The following PCDHGA2 variants were observed in gnomAD, a reference collection of about 807,000 sequenced individuals.
PCDHGA2 encodes protocadherin gamma-A2.
Under a neutral mutation model 59.2 loss-of-function variants are expected in PCDHGA2, and 40 were observed. The ratio of observed to expected loss-of-function variants is 0.68; its 90% CI spans 0.52 to 0.88. The LOEUF is 0.88. PCDHGA2 is among the 40% of genes least tolerant of loss of function. The pLI, the probability that PCDHGA2 is intolerant of heterozygous loss-of-function variation, is 0.00. For synonymous variants in PCDHGA2, 560 were observed against 526.0 expected (o/e 1.06, Z -0.89); for missense variants, 1,226 against 1,204.0 (o/e 1.02, Z -0.27).
intron 1 of PCDHGA2, chr5:141,361,206 G>A (rs781055264): frequency 6.2e-7 from 1 of 1,613,902 alleles, no homozygotes; most frequent in Non-Finnish European, 8.5e-7. Context: ...CTCCCCTACC[G>A]GAGGATTCGC....
At chr5:141,470,201 G>C (rs2154570565) in intron 1 of PCDHGA2, among the ~76,000 whole-genome samples, 1 of 152,274 alleles carries the variant, frequency 6.6e-6, no homozygotes, top group Non-Finnish European at 1.5e-5. Flanking sequence ...AGATAAATAT[G>C]AAGGCTAAAC....
rs2099425622 is a variant in PCDHGA2, at chr5:141,477,947, T to C, written c.2425-16860T>C. Reference sequence around the variant, plus strand: ...CAATGCCTGGCTCTCCTACAGTCTCTTGGGATCCCCTAACCAGAGCCTTTT... The same window carrying C: ...CAATGCCTGGCTCTCCTACAGTCTCCTGGGATCCCCTAACCAGAGCCTTTT... On this transcript the variant is annotated intron_variant, in intron 1 of 3. Coordinates refer to ENST00000394576, the MANE Select transcript of PCDHGA2 (RefSeq NM_018915.4). The surrounding 1 kb of genome is among the most constrained non-coding windows in gnomAD (Gnocchi z 4.9). 1.9e-6 allele frequency: 3 copies of C among 1,614,132 alleles called. No homozygotes were observed. Among genetic ancestry groups the C allele is most frequent in the Non-Finnish European group, 2.5e-6 (3 of 1,180,018 alleles).
At chr5:141,395,889 G>A (rs1375818306) in intron 1 of PCDHGA2, 3 of 151,948 alleles carry the variant, frequency 2.0e-5, no homozygotes, top group African/African-American at 4.8e-5. Flanking sequence ...GTGGTCACCT[G>A]GGCTCCATGC....
chr5:141,427,887 C>A (rs759734297), intron 1 of PCDHGA2: 2 of 1,565,908 alleles, frequency 1.3e-6, no homozygotes, highest in Admixed American at 1.7e-5. Flanking sequence ...GGCCCACGAC[C>A]AGGGCTCGCC....
At chr5:141,366,940 C>G in intron 1 of PCDHGA2, 1 of 819,904 alleles carries the variant, frequency 1.2e-6, no homozygotes, top group East Asian at 2.8e-5. Context: ...GGAAGTCTAG[C>G]TGATATCTGT....
At chr5:141,362,879 A>T (rs1762711242) in intron 1 of PCDHGA2, among the ~76,000 whole-genome samples, 1 of 152,216 alleles carries the variant, frequency 6.6e-6, no homozygotes, top group African/African-American at 2.4e-5. Context: ...TGTTATTCAA[A>T]TTTTAGTTTT....
At chr5:141,415,122 C>G (rs552568826) in intron 1 of PCDHGA2, 1 of 1,613,668 alleles carries the variant, frequency 6.2e-7, no homozygotes, top group Non-Finnish European at 8.5e-7. Context: ...TCGTAGTGGC[C>G]GTCCAGGACC....
chr5:141,507,263 T>C (rs755395344), intron 3 of PCDHGA2: 1 of 152,038 alleles, frequency 6.6e-6, no homozygotes, highest in Non-Finnish European at 1.5e-5. Flanking sequence ...AAACAGCAAG[T>C]ACTATTTCAG....
intron 1 of PCDHGA2, chr5:141,389,451 C>T: frequency 6.2e-7 from 1 of 1,610,536 alleles, no homozygotes; most frequent in South Asian, 1.1e-5. Context: ...CCACGAGCAG[C>T]TGCGCGCCTT....
At chr5:141,484,501 A>G (rs1185523120) in intron 1 of PCDHGA2, among the ~76,000 whole-genome samples, 2 of 152,232 alleles carry the variant, frequency 1.3e-5, no homozygotes, top group African/African-American at 4.8e-5. Flanking sequence ...GTTTCTGAAT[A>G]TTCTGCAGAA....
chr5:141,382,856 G>A, intron 1 of PCDHGA2: 1 of 1,504,886 alleles, frequency 6.6e-7, no homozygotes, highest in Non-Finnish European at 8.9e-7. Context: ...GCATTCTGAA[G>A]CACTTCCCGA....
intron 1 of PCDHGA2, chr5:141,422,953 G>A: frequency 6.2e-7 from 1 of 1,614,232 alleles, no homozygotes; most frequent in Non-Finnish European, 8.5e-7. Context: ...CTCCACTGGC[G>A]TGGAGCTGGC....
At chr5:141,438,957 C>T (rs1292059651) in intron 1 of PCDHGA2, among the ~76,000 whole-genome samples, 1 of 152,026 alleles carries the variant, frequency 6.6e-6, no homozygotes, top group Non-Finnish European at 1.5e-5. Context: ...TGAGCCACCG[C>T]ACCCTGCCAA....
Position 141,432,010 on chromosome 5 carries a change from CT to C in PCDHGA2, c.2425-62796del. The C allele has an allele frequency of 6.2e-7, 1 of 1,614,068 alleles. No individual in the cohort carries two copies. Among genetic ancestry groups the C allele is most frequent in the Non-Finnish European group, 8.5e-7 (1 of 1,180,022 alleles). ...TCTTGGATAGGGAACAGGTTCCTAG[CT>C]ACAACATCACAGTGACCGCCACTGA... On this transcript the variant is annotated intron_variant, in intron 1 of 3. Coordinates refer to ENST00000394576, the MANE Select transcript of PCDHGA2 (RefSeq NM_018915.4). This position sits in a 1 kb window ranked among gnomAD's most constrained non-coding sequence, Gnocchi z 6.0.
At chr5:141,374,094 C>T (rs544125570) in intron 1 of PCDHGA2, 19 of 1,555,744 alleles carry the variant, frequency 1.2e-5, no homozygotes, top group Non-Finnish European at 1.7e-5. Flanking sequence ...ATGGCGCCTC[C>T]GCAGAGGCAT....
At position 141,432,325 on chromosome 5, in the gene PCDHGA2, C is replaced by A; in HGVS notation, c.2425-62482C>A. 6.2e-7 allele frequency: 1 copy of A among 1,614,260 alleles called. No individual in the cohort carries two copies. The highest frequency in any genetic ancestry group is 1.1e-5 in the South Asian group (1 of 91,092). On this transcript the variant is annotated intron_variant, in intron 1 of 3. Transcript: ENST00000394576. The surrounding 1 kb of genome is among the most constrained non-coding windows in gnomAD (Gnocchi z 6.0). The stretch of plus-strand genomic sequence containing the variant: ...TGTATGCGCTGAGCTCCTTCGACTA[C>A]GAGCAGTTCCGAGACTTGCAAGTGA...
intron 1 of PCDHGA2, chr5:141,361,166 C>G: frequency 6.2e-7 from 1 of 1,613,940 alleles, no homozygotes; most frequent in South Asian, 1.1e-5. Context: ...AACGATTGTG[C>G]ACCTGAAGTT....
intron 1 of PCDHGA2, chr5:141,421,138 G>T (rs2096548427): frequency 1.1e-6 from 1 of 899,466 alleles, no homozygotes. Context: ...ATATATTTTG[G>T]ATGTAGTCGG....
rs553126235 is a variant in PCDHGA2 at position 141,473,346 on chromosome 5, G to A, written c.2425-21461G>A. Reference sequence around the variant, plus strand: ...AAGTGCCTGCTGTGCTAGACAGTGAGGATGCAAGTGGCCACCAAAATAGCA... The same window carrying A: ...AAGTGCCTGCTGTGCTAGACAGTGAAGATGCAAGTGGCCACCAAAATAGCA... On this transcript the variant is annotated intron_variant, in intron 1 of 3. Transcript: ENST00000394576. Among the ~76,000 whole-genome samples, 9 of 152,310 alleles carry A rather than the reference G, an allele frequency of 5.9e-5. No individual in the cohort carries two copies. The East Asian group carries it at 1.5e-3, about 26-fold the overall frequency.
Sources: allele counts gnomAD v4.1 joint callset (sites outside exome capture counted in the v4.1 genomes callset), GRCh38; gene constraint gnomAD v4.1.1; non-coding constraint Gnocchi (gnomAD v3.1); transcripts MANE v1.5; gene names NCBI Gene and HGNC (gene_info 2026-07-23, HGNC 2026-07-21).